Variants in DHRSX observed in about 807,000 individuals in gnomAD.
DHRSX encodes dehydrogenase/reductase X-linked.
DHRSX carries 31 observed loss-of-function variants against 34.0 expected under a neutral mutation model. The observed-to-expected ratio is 0.91, with a 90% confidence interval of 0.69 to 1.23. DHRSX has a LOEUF of 1.23. DHRSX is among the 50% of genes most tolerant of loss of function. The pLI is 0.00. For synonymous variants in DHRSX, 201 were observed against 183.8 expected (o/e 1.09, Z -0.76); for missense variants, 414 against 428.1 (o/e 0.97, Z 0.29).
intron 1 of DHRSX, among the ~76,000 whole-genome samples, chrX:2,445,188 A>G (rs997001786): frequency 1.3e-5 from 2 of 152,124 alleles, no homozygotes; most frequent in African/African-American, 4.8e-5. Flanking sequence ...AGTACCGGAC[A>G]CGCTGGGTTG....
chrX:2,252,813 G>A (rs2016462823), intron 5 of DHRSX, among the ~76,000 whole-genome samples: 1 of 152,144 alleles, frequency 6.6e-6, no homozygotes, highest in Admixed American at 6.6e-5. Context: ...CCCAGAAATG[G>A]GAAAGAATGA....
In DHRSX at chrX:2,256,949, TTTTTTC is replaced by T. The variant is rs2041287811; in HGVS notation, c.596+9785_596+9790del. On this transcript the variant is annotated intron_variant, in intron 5 of 6. Transcript: ENST00000334651. ...CTGAGAATGGGAGCATCTTCATTTC[TTTTTTC>T]TTTTTCTTTTTTAAGACAGAATCTT... 2.0e-5 allele frequency among the ~76,000 whole-genome samples: 3 copies of T among 152,278 alleles called. No individual in the cohort carries two copies. In the South Asian group the frequency reaches 6.2e-4, roughly 32 times the overall value.
intron 1 of DHRSX, among the ~76,000 whole-genome samples, chrX:2,455,658 G>A (rs1415562081): frequency 3.3e-5 from 5 of 149,604 alleles, no homozygotes; most frequent in Admixed American, 2.7e-4. Flanking sequence ...GGAGAATCCC[G>A]TGAACCCTGG....
intron 3 of DHRSX, among the ~76,000 whole-genome samples, chrX:2,352,917 A>C (rs1428819953): frequency 1.3e-5 from 2 of 152,112 alleles, no homozygotes; most frequent in African/African-American, 4.8e-5. Context: ...CATCTGAACC[A>C]CCAAAGTTTT....
At chrX:2,354,493 G>A (rs1234326327) in intron 3 of DHRSX, among the ~76,000 whole-genome samples, 2 of 152,072 alleles carry the variant, frequency 1.3e-5, no homozygotes, top group Non-Finnish European at 2.9e-5. Context: ...ATGGAATCTC[G>A]CTCTGTCAGC....
intron 1 of DHRSX, among the ~76,000 whole-genome samples, chrX:2,430,756 T>C (rs1258865729): frequency 1.3e-5 from 2 of 152,054 alleles, no homozygotes; most frequent in Non-Finnish European, 2.9e-5. Context: ...CTCATGCCTG[T>C]AATCCCAGCA....
chrX:2,223,590 A>G (rs1464430978), intron 6 of DHRSX, among the ~76,000 whole-genome samples: 1 of 152,088 alleles, frequency 6.6e-6, no homozygotes, highest in East Asian at 1.9e-4. Context: ...AAAGGGATGG[A>G]AAGAGGAAGG....
intron 1 of DHRSX, among the ~76,000 whole-genome samples, chrX:2,465,809 CAAAAAAAA>C (rs375728172): frequency 1.2e-5 from 1 of 84,738 alleles, no homozygotes; most frequent in Non-Finnish European, 2.5e-5. Context: ...AACTCCATCG[CAAAAAAAA>C]AAAAAAAAAG....
chrX:2,433,434 C>T (rs1417905970), intron 1 of DHRSX, among the ~76,000 whole-genome samples: 2 of 151,770 alleles, frequency 1.3e-5, no homozygotes, highest in Non-Finnish European at 2.9e-5. Context: ...ATGTGTAGAA[C>T]GCGCAGGTTT....
rs145514227 is a variant in DHRSX at position 2,238,057 on chromosome X, G to C, written c.804+4966C>G. On this transcript the variant is annotated intron_variant, in intron 6 of 6. Coordinates refer to ENST00000334651, the MANE Select transcript of DHRSX (RefSeq NM_145177.3). Reference sequence around the variant, plus strand: ...GAATGGCCTGATGCATTTGTATACAGGACAAATCAAACCTCTCATCTTTAT... The same window carrying C: ...GAATGGCCTGATGCATTTGTATACACGACAAATCAAACCTCTCATCTTTAT... Among the ~76,000 whole-genome samples the C allele has an allele frequency of 3.6e-3, 543 of 152,146 alleles. 3 individuals are homozygous for C. Among genetic ancestry groups the C allele is most frequent in the African/African-American group, 0.013 (524 of 41,530 alleles).
intron 1 of DHRSX, among the ~76,000 whole-genome samples, chrX:2,458,685 G>C (rs2044348402): frequency 6.6e-6 from 1 of 152,056 alleles, no homozygotes; most frequent in Non-Finnish European, 1.5e-5. Context: ...TTCATGAAGT[G>C]TTTGGCAAAG....
chrX:2,357,005 A>C (rs1309861402), intron 3 of DHRSX, among the ~76,000 whole-genome samples: 1 of 152,078 alleles, frequency 6.6e-6, no homozygotes, highest in African/African-American at 2.4e-5. Flanking sequence ...GCACTTTGGG[A>C]GGCCAAAGTG....
intron 4 of DHRSX, among the ~76,000 whole-genome samples, chrX:2,277,167 AAAGAGAGATGGAGAGG>A (rs1466423278): frequency 1.1e-3 from 6 of 5,468 alleles, no homozygotes; most frequent in Non-Finnish European, 1.2e-3. Flanking sequence ...GGAAAGAGAG[AAAGAGAGATGGAGAGG>A]GAACAGGGAG....
At chrX:2,388,426 AGAG>A (rs2043296973) in intron 3 of DHRSX, among the ~76,000 whole-genome samples, 1 of 152,090 alleles carries the variant, frequency 6.6e-6, no homozygotes, top group East Asian at 1.9e-4. Flanking sequence ...CCTTATAAGA[AGAG>A]GAGATGAGGA....
intron 3 of DHRSX, among the ~76,000 whole-genome samples, chrX:2,352,109 A>G (rs1217847748): frequency 1.3e-5 from 2 of 152,140 alleles, no homozygotes; most frequent in Non-Finnish European, 2.9e-5. Flanking sequence ...TGATGCTGGC[A>G]GTCATAGGGG....
chrX:2,383,174 T>C (rs956898928), intron 3 of DHRSX, among the ~76,000 whole-genome samples: 8 of 149,676 alleles, frequency 5.3e-5, no homozygotes, highest in South Asian at 2.2e-4. Context: ...ATCATCATCA[T>C]CACATGACCA....
Position 2,333,225 on chromosome X carries a change from G to T in DHRSX, c.287-41622C>A, listed in dbSNP as rs187510443. ...TAACTTTAACACCTTTTAATTTTTT[G>T]AACGTTTTTGAGTCATCATAACACA... On this transcript the variant is annotated intron_variant, in intron 3 of 6. Transcript: ENST00000334651. 4.6e-3 allele frequency among the ~76,000 whole-genome samples: 697 copies of T among 152,178 alleles called. 6 individuals carry two copies. Among genetic ancestry groups the T allele is most frequent in the African/African-American group, 0.016 (673 of 41,518 alleles).
At chrX:2,439,035 C>T (rs1004591050) in intron 1 of DHRSX, among the ~76,000 whole-genome samples, 5 of 151,670 alleles carry the variant, frequency 3.3e-5, no homozygotes, top group African/African-American at 1.2e-4. Flanking sequence ...GTCCCAGCTA[C>T]TCAGGAGGCT....
intron 3 of DHRSX, among the ~76,000 whole-genome samples, chrX:2,373,069 C>T (rs1238708024): frequency 1.3e-5 from 2 of 152,204 alleles, no homozygotes; most frequent in Non-Finnish European, 2.9e-5. Flanking sequence ...GGAGGCCTCA[C>T]AATCACGACG....
Sources: gnomAD v4.1 joint callset for allele counts (sites outside exome capture counted in the v4.1 genomes callset) on GRCh38, gnomAD v4.1.1 for gene constraint, MANE v1.5 for transcripts, NCBI Gene and HGNC (gene_info 2026-07-23, HGNC 2026-07-21) for gene names.